The following ENTREP1 variants were observed in gnomAD, a reference collection of about 807,000 sequenced individuals.
The protein encoded by ENTREP1 is Friedreich ataxia region gene X123.
chr9:69,373,546 G>C, the ENTREP1 span, among the ~76,000 whole-genome samples: 2 of 151,980 alleles, frequency 1.3e-5, no homozygotes, highest in African/African-American at 4.8e-5. Context: ...GTATCACTTA[G>C]AGATAGATTA....
the ENTREP1 span, chr9:69,381,977 GC>G: frequency 6.6e-6 from 1 of 152,308 alleles, no homozygotes; most frequent in Non-Finnish European, 1.5e-5. Context: ...CCCTCAGCAA[GC>G]CCTCTCCTCT....
the ENTREP1 span, chr9:69,329,513 A>G: frequency 5.1e-6 from 5 of 983,628 alleles, no homozygotes; most frequent in Non-Finnish European, 6.0e-6. Flanking sequence ...ATCTTTTTTC[A>G]TAGTTTTCAT....
the ENTREP1 span, among the ~76,000 whole-genome samples, chr9:69,373,802 G>A: frequency 1.3e-5 from 2 of 152,132 alleles, no homozygotes; most frequent in African/African-American, 2.4e-5. Context: ...TCTATCCATC[G>A]CTTTTAAATT....
the ENTREP1 span, among the ~76,000 whole-genome samples, chr9:69,352,689 C>G: frequency 6.6e-6 from 1 of 152,188 alleles, no homozygotes; most frequent in African/African-American, 2.4e-5. Context: ...AGTCTTTCTT[C>G]TTAATCACTA....
At chr9:69,355,980 T>C in the ENTREP1 span, among the ~76,000 whole-genome samples, 1 of 152,252 alleles carries the variant, frequency 6.6e-6, no homozygotes, top group Non-Finnish European at 1.5e-5. Flanking sequence ...CTTACCATTT[T>C]AAACATTTTA....
chr9:69,373,540 C>A, the ENTREP1 span, among the ~76,000 whole-genome samples: 1 of 151,712 alleles, frequency 6.6e-6, no homozygotes, highest in Non-Finnish European at 1.5e-5. Context: ...AAAGATGTAT[C>A]ACTTAGAGAT....
the ENTREP1 span, among the ~76,000 whole-genome samples, chr9:69,340,801 ATG>A: frequency 3.7e-4 from 19 of 51,986 alleles, 1 homozygote; most frequent in African/African-American, 7.6e-4. Context: ...GTGTGTGTGC[ATG>A]TGTGTGTGTA....
chr9:69,334,908 C>T, the ENTREP1 span, among the ~76,000 whole-genome samples: 3 of 151,874 alleles, frequency 2.0e-5, no homozygotes, highest in East Asian at 3.9e-4. Flanking sequence ...TCCCAAGTAG[C>T]GTCACCATGC....
At chr9:69,329,518 T>A in the ENTREP1 span, 2 of 984,246 alleles carry the variant, frequency 2.0e-6, no homozygotes, top group Non-Finnish European at 2.4e-6. Context: ...TTTTCATAGT[T>A]TTCATTCATA....
chr9:69,327,485 G>A, the ENTREP1 span, among the ~76,000 whole-genome samples: 1 of 152,118 alleles, frequency 6.6e-6, no homozygotes, highest in African/African-American at 2.4e-5. Flanking sequence ...CTCAAACATA[G>A]CTAGTTTAGG....
At chr9:69,382,756 C>T in the ENTREP1 span, 1 of 152,316 alleles carries the variant, frequency 6.6e-6, no homozygotes, top group Admixed American at 6.5e-5. Flanking sequence ...GAGAACACTG[C>T]TCCCCAAAAG....
the ENTREP1 span, among the ~76,000 whole-genome samples, chr9:69,365,414 C>T: frequency 4.6e-5 from 7 of 152,076 alleles, no homozygotes; most frequent in East Asian, 1.9e-4. Context: ...ATGGGTTAAA[C>T]GTGCAATTTT....
At chr9:69,338,211 T>TTTGG in the ENTREP1 span, among the ~76,000 whole-genome samples, 1,075 of 152,344 alleles carry the variant, frequency 7.1e-3, 7 homozygotes, top group African/African-American at 0.025. Flanking sequence ...ATGAGTTGTA[T>TTTGG]AGCCTGTGTT....
chr9:69,374,541 G>T, the ENTREP1 span, among the ~76,000 whole-genome samples: 1 of 152,146 alleles, frequency 6.6e-6, no homozygotes, highest in Admixed American at 6.5e-5. Context: ...AGCAAAGAGA[G>T]TTTCTCTCTT....
At chr9:69,372,240 T>C in the ENTREP1 span, among the ~76,000 whole-genome samples, 1 of 152,336 alleles carries the variant, frequency 6.6e-6, no homozygotes, top group East Asian at 1.9e-4. Flanking sequence ...TTTTTAAGTC[T>C]ACAGTTCAGT....
chr9:69,354,140 A>ATT, the ENTREP1 span, among the ~76,000 whole-genome samples: 1 of 150,050 alleles, frequency 6.7e-6, no homozygotes, highest in African/African-American at 2.5e-5. Context: ...TGTCTTACGT[A>ATT]TTTTTTTTAT....
chr9:69,357,856 G>T, the ENTREP1 span, among the ~76,000 whole-genome samples: 1 of 152,094 alleles, frequency 6.6e-6, no homozygotes, highest in Admixed American at 6.6e-5. Context: ...CAGTGCCATC[G>T]TGTTGTGTTC....
chr9:69,384,710 GAGGATTGTCCACC>G, the ENTREP1 span, among the ~76,000 whole-genome samples: 9 of 152,298 alleles, frequency 5.9e-5, no homozygotes, highest in East Asian at 7.7e-4. Flanking sequence ...AAGTGGCCCA[GAGGATTGTCCACC>G]AGGACAAAAT....
chr9:69,357,431 C>G, the ENTREP1 span, among the ~76,000 whole-genome samples: 5 of 152,288 alleles, frequency 3.3e-5, no homozygotes, highest in Non-Finnish European at 5.9e-5. Flanking sequence ...AAATCAGGGA[C>G]TTCCATAATA....
Sources: gnomAD v4.1 joint callset for allele counts (sites outside exome capture counted in the v4.1 genomes callset) on GRCh38, gnomAD v4.1.1 for gene constraint, MANE v1.5 for transcripts, NCBI Gene and HGNC (gene_info 2026-07-23, HGNC 2026-07-21) for gene names.